AIG1: variants seen among roughly 807,000 people sequenced by gnomAD.
The protein encoded by AIG1 is androgen-induced gene 1 protein.
Under a neutral mutation model 31.4 loss-of-function variants are expected in AIG1, and 23 were observed. The ratio of observed to expected loss-of-function variants is 0.73; its 90% CI spans 0.53 to 1.04. The LOEUF (loss-of-function observed/expected upper bound fraction) is 1.04. AIG1 is among the 50% of genes least tolerant of loss of function. The pLI is 0.00. For missense variants in AIG1, 274 were observed against 295.0 expected, an observed-to-expected ratio of 0.93 and a Z score of 0.52; for synonymous variants, 100 against 110.5, an observed-to-expected ratio of 0.90 and a Z score of 0.60.
intron 1 of AIG1, among the ~76,000 whole-genome samples, chr6:143,119,730 T>C (rs995424229): frequency 1.3e-5 from 2 of 152,174 alleles, no homozygotes; most frequent in Admixed American, 1.3e-4. Flanking sequence ...GTAACCCCTA[T>C]TTAGTGCACT....
intron 3 of AIG1, among the ~76,000 whole-genome samples, chr6:143,254,906 A>G (rs1055972971): frequency 1.3e-5 from 2 of 152,148 alleles, no homozygotes; most frequent in Non-Finnish European, 2.9e-5. Context: ...TAGTGGGACT[A>G]CTACAGCTGT....
Position 143,190,212 on chromosome 6 carries a change from A to C in AIG1, c.399+25029A>C, listed in dbSNP as rs113428689. Reference sequence around the variant, plus strand: ...GGATGAGAAAAAGAAAGGAAAGTACAACAAAGAACATCAACCATAAGGAAC... The same window carrying C: ...GGATGAGAAAAAGAAAGGAAAGTACCACAAAGAACATCAACCATAAGGAAC... On this transcript the variant is annotated intron_variant, in intron 3 of 5. Coordinates refer to ENST00000357847, the MANE Select transcript of AIG1 (RefSeq NM_016108.4). The C allele has an allele frequency of 4.4e-5, 43 of 985,508 alleles. No homozygotes were observed. The African/African-American group carries it at 5.8e-4, about 13-fold the overall frequency. The allele number at this position is 985,508 out of a possible 1,614,324, so 61.0% of individuals were successfully genotyped here. A position where few individuals can be genotyped will look rare whatever the true frequency, so the allele number is the denominator to read the frequency against.
intron 3 of AIG1, among the ~76,000 whole-genome samples, chr6:143,211,945 G>A (rs1341654174): frequency 1.3e-5 from 2 of 151,732 alleles, no homozygotes; most frequent in African/African-American, 4.8e-5. Context: ...TTCCTTTCCT[G>A]TGGTATCCTA....
intron 3 of AIG1, among the ~76,000 whole-genome samples, chr6:143,230,208 T>A (rs904739284): frequency 2.0e-5 from 3 of 152,128 alleles, no homozygotes; most frequent in Admixed American, 2.0e-4. Context: ...TATTGATACA[T>A]GAAATGATTT....
Position 143,341,053 on chromosome 6 carries a change from C to A in AIG1, c.*1377C>A, listed in dbSNP as rs371070171. On this transcript the variant is annotated 3_prime_UTR_variant, in exon 6 of 6. Transcript: ENST00000357847. ...AAATGTAATTAAATGCTAAAAATCT[C>A]TCTTCCTTCCGTCTCTCTGTCTCTC... Among the ~76,000 whole-genome samples, 1 of 152,130 alleles carries A rather than the reference C, an allele frequency of 6.6e-6. No individual in the cohort carries two copies. The highest frequency in any genetic ancestry group is 2.1e-4 in the South Asian group (1 of 4,838).
intron 1 of AIG1, among the ~76,000 whole-genome samples, chr6:143,120,522 A>G (rs972492877): frequency 6.6e-6 from 1 of 152,162 alleles, no homozygotes; most frequent in Non-Finnish European, 1.5e-5. Context: ...GAGTGTGTGC[A>G]GGGGAACTCC....
At chr6:143,146,538 C>T (rs866297063) in intron 2 of AIG1, among the ~76,000 whole-genome samples, 1 of 151,924 alleles carries the variant, frequency 6.6e-6, no homozygotes, top group Middle Eastern at 3.4e-3. Context: ...CTCTGCCTCA[C>T]CCTCTTCTCT....
At chr6:143,128,762 A>C (rs1782922730) in intron 1 of AIG1, among the ~76,000 whole-genome samples, 1 of 152,232 alleles carries the variant, frequency 6.6e-6, no homozygotes, top group Non-Finnish European at 1.5e-5. Context: ...GGGATTTGTT[A>C]ACTGTCAGTT....
chr6:143,178,868 G>A (rs72990416), intron 3 of AIG1, among the ~76,000 whole-genome samples: 4,428 of 152,266 alleles, frequency 0.029, 103 homozygotes, highest in Non-Finnish European at 0.047. Context: ...GGATCACTCC[G>A]TTATGGCCCC....
chr6:143,151,419 T>C (rs1785211359), intron 2 of AIG1, among the ~76,000 whole-genome samples: 1 of 152,210 alleles, frequency 6.6e-6, no homozygotes, highest in African/African-American at 2.4e-5. Context: ...CTCCAAAAGT[T>C]CTTTTCCCAT....
chr6:143,190,921 G>A (rs1401323101), intron 3 of AIG1, among the ~76,000 whole-genome samples: 1 of 151,992 alleles, frequency 6.6e-6, no homozygotes, highest in Non-Finnish European at 1.5e-5. Context: ...TGGATGGCTC[G>A]GGTCTCATAC....
At position 143,256,209 on chromosome 6, in the gene AIG1, T is replaced by C. The variant is rs1223476242; in HGVS notation, c.400-27901T>C. On this transcript the variant is annotated intron_variant, in intron 3 of 5. Transcript: ENST00000357847. The surrounding 1 kb of genome is among the most constrained non-coding windows in gnomAD (Gnocchi z 4.6). Reference sequence around the variant, plus strand: ...CCCAACATAGGCAGTGTTGTTTAAGTCTATGTAATGTGTAGAGGAAAGCAG... The same window carrying C: ...CCCAACATAGGCAGTGTTGTTTAAGCCTATGTAATGTGTAGAGGAAAGCAG... Among the ~76,000 whole-genome samples, 1 of 152,222 alleles carries C rather than the reference T, an allele frequency of 6.6e-6. No homozygotes were observed. The highest frequency in any genetic ancestry group is 2.4e-5 in the African/African-American group (1 of 41,456).
intron 1 of AIG1, among the ~76,000 whole-genome samples, chr6:143,107,340 AT>A (rs1390018309): frequency 6.6e-6 from 1 of 152,224 alleles, no homozygotes. Context: ...CATGTCCTGA[AT>A]AAATATGGAA....
At chr6:143,312,115 A>T (rs1330231393) in intron 4 of AIG1, among the ~76,000 whole-genome samples, 1 of 152,044 alleles carries the variant, frequency 6.6e-6, no homozygotes, top group African/African-American at 2.4e-5. Flanking sequence ...AATAAATATT[A>T]TTAAAATGTT....
intron 3 of AIG1, among the ~76,000 whole-genome samples, chr6:143,276,836 T>G (rs1170357496): frequency 6.6e-6 from 1 of 152,156 alleles, no homozygotes; most frequent in Non-Finnish European, 1.5e-5. Flanking sequence ...TTCAGGGGAT[T>G]TTTTTGGAGC....
intron 4 of AIG1, among the ~76,000 whole-genome samples, chr6:143,307,847 G>A (rs142357675): frequency 0.068 from 10,377 of 152,274 alleles, 966 homozygotes; most frequent in African/African-American, 0.21. Context: ...CCTGAGCTGT[G>A]GTGGGCTCCA....
intron 2 of AIG1, among the ~76,000 whole-genome samples, chr6:143,160,871 C>T (rs113316689): frequency 0.013 from 2,002 of 152,266 alleles, 43 homozygotes; most frequent in African/African-American, 0.043. Flanking sequence ...GTAACTAACA[C>T]TTTCTTGAAA....
In AIG1 at chr6:143,330,900, G is replaced by T. The variant is rs1777021355; in HGVS notation, c.516-2382G>T. Among the ~76,000 whole-genome samples the T allele has an allele frequency of 6.6e-6, 1 of 152,190 alleles. No homozygotes were observed. The highest frequency in any genetic ancestry group is 2.1e-4 in the South Asian group (1 of 4,826). ...CTTCTAATTTATGGACAAACAATAT[G>T]ATATCTCAGAATCCCACAGGGTAGT... On this transcript the variant is annotated intron_variant, in intron 4 of 5. Transcript: ENST00000357847. This position sits in a 1 kb window ranked among gnomAD's most constrained non-coding sequence, Gnocchi z 4.4.
Position 143,291,415 on chromosome 6 carries a change from A to G in AIG1, c.515+7190A>G, listed in dbSNP as rs1225026136. 6.6e-6 allele frequency among the ~76,000 whole-genome samples: 1 copy of G among 152,146 alleles called. No homozygotes were observed. The highest frequency in any genetic ancestry group is 6.5e-5 in the Admixed American group (1 of 15,282). On this transcript the variant is annotated intron_variant, in intron 4 of 5. Transcript: ENST00000357847. The surrounding 1 kb of genome is among the most constrained non-coding windows in gnomAD (Gnocchi z 4.2). ...AGCTGGAGCCAGCCAGATCCCCCAC[A>G]TAAGGAAGCTCTTCATTTCAGAAAC...
Sources: allele counts gnomAD v4.1 joint callset (sites outside exome capture counted in the v4.1 genomes callset), GRCh38; gene constraint gnomAD v4.1.1; non-coding constraint Gnocchi (gnomAD v3.1); transcripts MANE v1.5; gene names NCBI Gene and HGNC (gene_info 2026-07-23, HGNC 2026-07-21).